PLCL1: variants seen among roughly 807,000 people sequenced by gnomAD.
PLCL1 encodes phospholipase C like 1 (inactive).
PLCL1 carries 41 observed loss-of-function variants against 84.4 expected under a neutral mutation model. That is an observed-to-expected ratio of 0.49 (90% CI 0.38 to 0.63). The LOEUF is 0.63. Ranked by LOEUF, PLCL1 falls within the 30% of genes least tolerant of loss-of-function variation. PLCL1 has a pLI of 0.00. For synonymous variants in PLCL1, 490 were observed against 488.3 expected, an observed-to-expected ratio of 1.00 and a Z score of -0.05; for missense variants, 1,206 against 1,367.8, an observed-to-expected ratio of 0.88 and a Z score of 1.87.
rs558069526 is a variant in PLCL1, at chr2:198,126,956, C to T, written c.3106-19824C>T. ...ACTAAGCAGATTGGCAGGTGAGGGA[C>T]GCTGGTTTTAGCTAGTACAGTGAAT... On this transcript the variant is annotated intron_variant, in intron 5 of 5. Coordinates refer to ENST00000428675, the MANE Select transcript of PLCL1 (RefSeq NM_006226.4). Among the ~76,000 whole-genome samples the T allele has an allele frequency of 2.0e-4, 30 of 150,474 alleles. No individual in the cohort carries two copies. In the South Asian group the frequency reaches 2.5e-3, roughly 13 times the overall value.
At chr2:198,144,866 T>C (rs1338424290) in intron 5 of PLCL1, among the ~76,000 whole-genome samples, 1 of 152,164 alleles carries the variant, frequency 6.6e-6, no homozygotes, top group Non-Finnish European at 1.5e-5. Flanking sequence ...CCTGCTTTGC[T>C]GTTAAAAGAT....
chr2:197,860,201 T>G (rs887476588), intron 1 of PLCL1, among the ~76,000 whole-genome samples: 2 of 152,152 alleles, frequency 1.3e-5, no homozygotes, highest in Non-Finnish European at 2.9e-5. Context: ...GCAAAGGACA[T>G]GATATCATTC....
chr2:198,090,577 G>T (rs768154280), intron 3 of PLCL1, among the ~76,000 whole-genome samples: 2 of 152,158 alleles, frequency 1.3e-5, no homozygotes, highest in Non-Finnish European at 2.9e-5. Context: ...GCTTATGAAT[G>T]ACCATACCTG....
intron 1 of PLCL1, among the ~76,000 whole-genome samples, chr2:197,958,026 A>T (rs941519756): frequency 2.0e-5 from 3 of 152,082 alleles, no homozygotes; most frequent in East Asian, 1.9e-4. Context: ...AAAGACCATC[A>T]TATTTCTGGC....
intron 1 of PLCL1, among the ~76,000 whole-genome samples, chr2:197,832,154 C>G (rs1288193160): frequency 6.6e-6 from 1 of 151,992 alleles, no homozygotes; most frequent in African/African-American, 2.4e-5. Flanking sequence ...AAACTAAGAT[C>G]AGAGCAGAAC....
intron 5 of PLCL1, among the ~76,000 whole-genome samples, chr2:198,140,785 A>G (rs564645027): frequency 7.9e-5 from 12 of 152,214 alleles, no homozygotes; most frequent in African/African-American, 2.4e-4. Flanking sequence ...TCTATACTTT[A>G]TAAATTATTT....
At position 197,805,455 on chromosome 2, in the gene PLCL1, T is replaced by A; in HGVS notation, c.240+116T>A. 1 of 962,878 alleles carries A rather than the reference T, an allele frequency of 1.0e-6. No homozygotes were observed. The allele number at this position is 962,878 out of a possible 1,614,324, so 59.6% of individuals were successfully genotyped here. A position where few individuals can be genotyped will look rare whatever the true frequency, so the allele number is the denominator to read the frequency against. ...GGGCTCAGCATTGTTTTCTCCCACC[T>A]CCTTCAACGCCAAACCTTCCTTCCT... is the stretch of plus-strand genomic sequence containing the variant. On this transcript the variant is annotated intron_variant, in intron 1 of 5. Transcript: ENST00000428675. The surrounding 1 kb of genome is among the most constrained non-coding windows in gnomAD (Gnocchi z 4.0).
At chr2:197,925,781 C>T (rs1311723385) in intron 1 of PLCL1, among the ~76,000 whole-genome samples, 2 of 152,034 alleles carry the variant, frequency 1.3e-5, no homozygotes, top group Non-Finnish European at 2.9e-5. Context: ...CCAGAGCCTC[C>T]TGCCAAACCT....
At chr2:197,898,765 C>G (rs558411591) in intron 1 of PLCL1, among the ~76,000 whole-genome samples, 1 of 51,140 alleles carries the variant, frequency 2.0e-5, no homozygotes, top group Non-Finnish European at 4.2e-5. Flanking sequence ...ACCCTGTGTT[C>G]GAACCTGAAC....
chr2:197,942,474 C>T (rs985737434), intron 1 of PLCL1, among the ~76,000 whole-genome samples: 4 of 152,178 alleles, frequency 2.6e-5, no homozygotes, highest in African/African-American at 9.7e-5. Context: ...CCACTCTAAG[C>T]CTGCTCCCAT....
chr2:198,043,881 C>CTTTTTTTTTTTTTTTTTTTTTT (rs397800019), intron 1 of PLCL1, among the ~76,000 whole-genome samples: 1 of 124,870 alleles, frequency 8.0e-6, no homozygotes, highest in Non-Finnish European at 1.7e-5. Flanking sequence ...AATTCTTGTT[C>CTTTTTTTTTTTTTTTTTTTTTT]TTTTTTTTTT....
intron 1 of PLCL1, among the ~76,000 whole-genome samples, chr2:198,047,931 C>A (rs991940855): frequency 6.6e-6 from 1 of 152,066 alleles, no homozygotes; most frequent in African/African-American, 2.4e-5. Context: ...CTCTTCCATG[C>A]GAGTGGTGGC....
intron 1 of PLCL1, among the ~76,000 whole-genome samples, chr2:197,864,559 T>C (rs770662): frequency 0.73 from 109,904 of 151,104 alleles, 41,010 homozygotes; most frequent in African/African-American, 0.9. Context: ...CAGCTCACTG[T>C]ACCCTCGATC....
At chr2:197,957,122 T>C (rs1214803450) in intron 1 of PLCL1, among the ~76,000 whole-genome samples, 1 of 152,044 alleles carries the variant, frequency 6.6e-6, no homozygotes, top group Non-Finnish European at 1.5e-5. Flanking sequence ...ATTCAGGCCT[T>C]TTTAAAAGCT....
intron 1 of PLCL1, among the ~76,000 whole-genome samples, chr2:197,809,214 G>A (rs146128809): frequency 3.9e-4 from 60 of 152,272 alleles, no homozygotes; most frequent in African/African-American, 1.3e-3. Context: ...GCTTTCGTAC[G>A]TTTGTATCAC....
intron 1 of PLCL1, among the ~76,000 whole-genome samples, chr2:197,883,721 A>G (rs2105717645): frequency 6.6e-6 from 1 of 152,352 alleles, no homozygotes; most frequent in African/African-American, 2.4e-5. Flanking sequence ...ACAGTAAAAA[A>G]TGTATTGCCT....
intron 1 of PLCL1, among the ~76,000 whole-genome samples, chr2:198,066,816 C>T (rs181252759): frequency 7.3e-4 from 111 of 152,238 alleles, no homozygotes; most frequent in African/African-American, 2.6e-3. Flanking sequence ...ACACTATTTG[C>T]CTGGCAATTT....
intron 1 of PLCL1, among the ~76,000 whole-genome samples, chr2:198,053,288 A>C (rs1251458299): frequency 2.0e-5 from 3 of 152,184 alleles, no homozygotes; most frequent in African/African-American, 7.2e-5. Flanking sequence ...CAACCCCTGC[A>C]GGCTGATTTC....
Position 198,012,540 on chromosome 2 carries a change from C to A in PLCL1, c.241-71218C>A, listed in dbSNP as rs115378396. On this transcript the variant is annotated intron_variant, in intron 1 of 5. Coordinates refer to ENST00000428675, the MANE Select transcript of PLCL1 (RefSeq NM_006226.4). ...GCCAATATGTGTCTTTTAATTGGTG[C>A]ATTTAAGCTATTTACATTTAAGGTA... Among the ~76,000 whole-genome samples, 470 of 151,940 alleles carry A rather than the reference C, an allele frequency of 3.1e-3. 3 individuals are homozygous for A. The highest frequency in any genetic ancestry group is 0.011 in the African/African-American group (444 of 41,470).
Sources: gnomAD v4.1 joint callset for allele counts (sites outside exome capture counted in the v4.1 genomes callset) on GRCh38, gnomAD v4.1.1 for gene constraint, Gnocchi (gnomAD v3.1) non-coding constraint, MANE v1.5 for transcripts, NCBI Gene and HGNC (gene_info 2026-07-23, HGNC 2026-07-21) for gene names.